The following BLTP3B variants were observed in gnomAD, a reference collection of about 807,000 sequenced individuals.
BLTP3B encodes UHRF1 (ICBP90) binding protein 1-like.
At chr12:100,108,647 G>C in the BLTP3B span, 2 of 968,420 alleles carry the variant, frequency 2.1e-6, no homozygotes, top group Non-Finnish European at 3.0e-6. Context: ...TAATAGGAGT[G>C]GACACAACAT....
At chr12:100,037,149 T>C in the BLTP3B span, 1 of 887,836 alleles carries the variant, frequency 1.1e-6, no homozygotes, top group Non-Finnish European at 1.3e-6. Flanking sequence ...TAGATTTAAG[T>C]ACATAATTTT....
the BLTP3B span, among the ~76,000 whole-genome samples, chr12:100,076,535 A>G: frequency 2.1e-3 from 317 of 152,064 alleles, 1 homozygote; most frequent in African/African-American, 7.1e-3. Flanking sequence ...CTGGGACTAT[A>G]GGCATGCACC....
the BLTP3B span, chr12:100,095,899 T>A: frequency 2.2e-6 from 3 of 1,367,662 alleles, no homozygotes; most frequent in East Asian, 8.0e-5. Context: ...AATACGCTTG[T>A]ATTAAAAAAT....
chr12:100,038,729 T>A, the BLTP3B span, among the ~76,000 whole-genome samples: 1 of 152,186 alleles, frequency 6.6e-6, no homozygotes, highest in Admixed American at 6.5e-5. Context: ...TCCCTCATAA[T>A]TAGGAATGGC....
At chr12:100,088,448 G>A in the BLTP3B span, among the ~76,000 whole-genome samples, 1 of 152,296 alleles carries the variant, frequency 6.6e-6, no homozygotes, top group Non-Finnish European at 1.5e-5. Flanking sequence ...AGGATGGGAA[G>A]AGAGGTGGCC....
chr12:100,123,835 A>G, the BLTP3B span, among the ~76,000 whole-genome samples: 1 of 152,118 alleles, frequency 6.6e-6, no homozygotes, highest in Admixed American at 6.6e-5. Context: ...ATGAAAAAAA[A>G]TCAATCTCAT....
chr12:100,095,253 A>T, the BLTP3B span, among the ~76,000 whole-genome samples: 1 of 152,164 alleles, frequency 6.6e-6, no homozygotes, highest in African/African-American at 2.4e-5. Flanking sequence ...GACAACTCCA[A>T]CAGAAGTTTT....
the BLTP3B span, chr12:100,048,272 A>C: frequency 1.4e-6 from 2 of 1,437,562 alleles, no homozygotes; most frequent in Non-Finnish European, 1.9e-6. Context: ...GTAGTACATT[A>C]AAATAATACT....
At chr12:100,051,579 T>C in the BLTP3B span, 13,840 of 168,390 alleles carry the variant, frequency 0.082, 722 homozygotes, top group African/African-American at 0.14. Context: ...TACTACTCTG[T>C]AGTCAGCTTC....
chr12:100,137,230 T>C, the BLTP3B span, among the ~76,000 whole-genome samples: 3 of 152,294 alleles, frequency 2.0e-5, no homozygotes, highest in East Asian at 5.8e-4. Context: ...CCATTACTTT[T>C]CCACCTAGAT....
the BLTP3B span, among the ~76,000 whole-genome samples, chr12:100,121,325 G>A: frequency 6.0e-5 from 9 of 148,872 alleles, no homozygotes; most frequent in South Asian, 1.9e-3. Flanking sequence ...ATTCCAGCCT[G>A]GGCAACAAGA....
the BLTP3B span, among the ~76,000 whole-genome samples, chr12:100,079,567 T>G: frequency 6.6e-6 from 1 of 152,152 alleles, no homozygotes; most frequent in Admixed American, 6.6e-5. Flanking sequence ...TTTCATTTTA[T>G]AAGGCAAGGA....
At chr12:100,120,249 G>A in the BLTP3B span, among the ~76,000 whole-genome samples, 10,022 of 152,132 alleles carry the variant, frequency 0.066, 401 homozygotes, top group African/African-American at 0.081. Context: ...TGAGACAGGC[G>A]CCTGTAATCC....
the BLTP3B span, among the ~76,000 whole-genome samples, chr12:100,053,085 G>A: frequency 2.1e-4 from 32 of 151,638 alleles, no homozygotes; most frequent in African/African-American, 7.3e-4. Context: ...AAACCACTGC[G>A]CTCGGCCAAA....
the BLTP3B span, among the ~76,000 whole-genome samples, chr12:100,066,607 C>T: frequency 7.3e-3 from 1,094 of 149,910 alleles, 5 homozygotes; most frequent in Middle Eastern, 0.017. Flanking sequence ...TCCTGGCTAA[C>T]ACGGTGAAAC....
the BLTP3B span, among the ~76,000 whole-genome samples, chr12:100,061,173 T>C: frequency 1.3e-5 from 2 of 152,142 alleles, no homozygotes; most frequent in Non-Finnish European, 2.9e-5. Context: ...AGAAATAAAG[T>C]GGGTGCTGCA....
the BLTP3B span, among the ~76,000 whole-genome samples, chr12:100,048,731 G>GGA: frequency 1.4e-5 from 2 of 138,466 alleles, no homozygotes; most frequent in Non-Finnish European, 3.1e-5. Context: ...TATAGTAAGG[G>GGA]GGGGGAGAGA....
chr12:100,046,274 C>T, the BLTP3B span, among the ~76,000 whole-genome samples: 2 of 152,108 alleles, frequency 1.3e-5, no homozygotes, highest in Non-Finnish European at 2.9e-5. Flanking sequence ...GATATATGCA[C>T]ACATACGTTT....
At chr12:100,043,001 G>A in the BLTP3B span, among the ~76,000 whole-genome samples, 15 of 152,262 alleles carry the variant, frequency 9.9e-5, no homozygotes, top group East Asian at 2.5e-3. Context: ...GTTTCACCAT[G>A]TTGGCCAGGC....
Sources: allele counts gnomAD v4.1 joint callset (sites outside exome capture counted in the v4.1 genomes callset), GRCh38; gene constraint gnomAD v4.1.1; transcripts MANE v1.5; gene names NCBI Gene and HGNC (gene_info 2026-07-23, HGNC 2026-07-21).